The following FCHSD2 variants were observed in gnomAD, a reference collection of about 807,000 sequenced individuals.
FCHSD2 encodes the protein FCH and double SH3 domains 2.
FCHSD2 carries 38 observed loss-of-function variants against 108.1 expected under a neutral mutation model. The ratio of observed to expected loss-of-function variants is 0.35; its 90% CI spans 0.27 to 0.46. The LOEUF (loss-of-function observed/expected upper bound fraction) is 0.46. Ranked by LOEUF, FCHSD2 falls within the 20% of genes least tolerant of loss-of-function variation. The probability of loss-of-function intolerance (pLI) is 1.00; values close to 1 mark genes in which losing one functional copy is unlikely to be tolerated. For synonymous variants in FCHSD2, 279 were observed against 314.7 expected, an observed-to-expected ratio of 0.89 and a Z score of 1.20; for missense variants, 751 against 897.8, an observed-to-expected ratio of 0.84 and a Z score of 2.09.
chr11:73,131,725 A>C (rs1266526537), intron 2 of FCHSD2, among the ~76,000 whole-genome samples: 5 of 151,942 alleles, frequency 3.3e-5, no homozygotes, highest in Non-Finnish European at 7.4e-5. Context: ...AAAATTAAAA[A>C]ATTTAAAAAA....
chr11:73,099,551 T>C (rs1860167304), intron 2 of FCHSD2, among the ~76,000 whole-genome samples: 2 of 152,118 alleles, frequency 1.3e-5, no homozygotes, highest in South Asian at 2.1e-4. Flanking sequence ...CAAAACCAAA[T>C]GTCCATCAAC....
chr11:72,963,634 G>A (rs1156875291), intron 8 of FCHSD2, among the ~76,000 whole-genome samples: 1 of 152,146 alleles, frequency 6.6e-6, no homozygotes, highest in Non-Finnish European at 1.5e-5. Context: ...TGGGTAGGGT[G>A]GGGTGGTTTT....
At chr11:72,995,081 G>C (rs572616365) in intron 5 of FCHSD2, among the ~76,000 whole-genome samples, 4 of 152,244 alleles carry the variant, frequency 2.6e-5, no homozygotes, top group African/African-American at 9.6e-5. Context: ...CAAATAATAT[G>C]TGGCCTTATG....
chr11:72,952,157 G>T (rs554685637), intron 8 of FCHSD2, among the ~76,000 whole-genome samples: 1 of 151,994 alleles, frequency 6.6e-6, no homozygotes, highest in East Asian at 1.9e-4. Flanking sequence ...AACTTATATT[G>T]GTCTTGCTTG....
At chr11:72,978,358 CA>C (rs2135392261) in intron 8 of FCHSD2, among the ~76,000 whole-genome samples, 1 of 151,382 alleles carries the variant, frequency 6.6e-6, no homozygotes, top group East Asian at 1.9e-4. Flanking sequence ...TAAAAATGAG[CA>C]AAAAATCTGA....
At chr11:72,844,200 AACG>A (rs1453066354) in intron 14 of FCHSD2, among the ~76,000 whole-genome samples, 9 of 152,156 alleles carry the variant, frequency 5.9e-5, no homozygotes, top group African/African-American at 1.7e-4. Context: ...AGCAAAGGCA[AACG>A]AGAAGGCACT....
At chr11:72,931,051 A>AAT (rs147983751) in intron 8 of FCHSD2, among the ~76,000 whole-genome samples, 8,534 of 146,406 alleles carry the variant, frequency 0.058, 301 homozygotes, top group Non-Finnish European at 0.085. Context: ...GTGCCTCACA[A>AAT]ATATATATAT....
At chr11:73,022,018 C>A (rs1858121386) in intron 3 of FCHSD2, among the ~76,000 whole-genome samples, 1 of 152,034 alleles carries the variant, frequency 6.6e-6, no homozygotes, top group Admixed American at 6.6e-5. Context: ...CACTTGAGCC[C>A]AGGATGTCAA....
chr11:72,907,481 A>G (rs1159601668), intron 9 of FCHSD2, among the ~76,000 whole-genome samples: 1 of 151,798 alleles, frequency 6.6e-6, no homozygotes, highest in Non-Finnish European at 1.5e-5. Context: ...TGTCATAAAT[A>G]ACTCTTATTA....
At chr11:73,115,667 G>A (rs1301930065) in intron 2 of FCHSD2, among the ~76,000 whole-genome samples, 5 of 152,200 alleles carry the variant, frequency 3.3e-5, no homozygotes, top group Non-Finnish European at 5.9e-5. Flanking sequence ...ATTGGTTCAT[G>A]CAATTGTAGG....
intron 9 of FCHSD2, among the ~76,000 whole-genome samples, chr11:72,917,959 G>A (rs889565117): frequency 1.3e-5 from 2 of 151,896 alleles, no homozygotes; most frequent in African/African-American, 4.8e-5. Flanking sequence ...AATTTTGATA[G>A]GGACTACATT....
At chr11:73,008,223 C>A (rs558393956) in intron 4 of FCHSD2, among the ~76,000 whole-genome samples, 1 of 152,116 alleles carries the variant, frequency 6.6e-6, no homozygotes, top group African/African-American at 2.4e-5. Context: ...CCTGTAATCC[C>A]AGCTACTCAG....
At chr11:72,846,205 G>A (rs1279450589) in intron 14 of FCHSD2, among the ~76,000 whole-genome samples, 1 of 149,466 alleles carries the variant, frequency 6.7e-6, no homozygotes, top group Non-Finnish European at 1.5e-5. Context: ...TTTTGAGACG[G>A]AGTCTCACAG....
chr11:72,841,688 T>G (rs1860957650), intron 17 of FCHSD2, 105 bp from the exon 18 acceptor site: 1 of 1,241,810 alleles, frequency 8.1e-7, no homozygotes, highest in African/African-American at 1.5e-5. Flanking sequence ...AAAGCTAAGC[T>G]GATTGTTGAA....
At chr11:72,909,225 C>T (rs1442507921) in intron 9 of FCHSD2, among the ~76,000 whole-genome samples, 13 of 151,786 alleles carry the variant, frequency 8.6e-5, no homozygotes, top group African/African-American at 3.1e-4. Flanking sequence ...TTGGTGGAGA[C>T]GGGGTTTCGC....
chr11:72,932,582 G>C (rs969637799), intron 8 of FCHSD2, among the ~76,000 whole-genome samples: 4 of 152,034 alleles, frequency 2.6e-5, no homozygotes, highest in African/African-American at 9.7e-5. Context: ...CTTCTGCCTT[G>C]ACTACTCTCT....
intron 8 of FCHSD2, among the ~76,000 whole-genome samples, chr11:72,941,327 G>C (rs1856413986): frequency 6.6e-6 from 1 of 151,864 alleles, no homozygotes; most frequent in South Asian, 2.1e-4. Flanking sequence ...CCTTTGCTAA[G>C]TCACTGAATC....
chr11:72,855,993 C>A (rs1272686830), intron 13 of FCHSD2, among the ~76,000 whole-genome samples: 9 of 152,198 alleles, frequency 5.9e-5, no homozygotes, highest in Admixed American at 6.5e-5. Context: ...CCGCTACACC[C>A]AAGCACTTAT....
At chr11:72,901,511 T>C (rs1327844299) in intron 10 of FCHSD2, among the ~76,000 whole-genome samples, 2 of 152,052 alleles carry the variant, frequency 1.3e-5, no homozygotes, top group African/African-American at 2.4e-5. Context: ...GTGAGGAGTA[T>C]AGGGAGAGTG....
Sources: gnomAD v4.1 joint callset for allele counts (sites outside exome capture counted in the v4.1 genomes callset) on GRCh38, gnomAD v4.1.1 for gene constraint, MANE v1.5 for transcripts, NCBI Gene and HGNC (gene_info 2026-07-23, HGNC 2026-07-21) for gene names.